The following CEP85L variants were observed in gnomAD, a reference collection of about 807,000 sequenced individuals.
The protein encoded by CEP85L is centrosomal protein 85L.
In CEP85L, 60 loss-of-function variants were observed where a neutral mutation model predicts 100.3. That is an observed-to-expected ratio of 0.60 (90% confidence interval 0.49 to 0.74). The LOEUF (loss-of-function observed/expected upper bound fraction) is 0.74, where lower values mean the gene tolerates loss of function less well. CEP85L is among the 30% of genes least tolerant of loss of function. The pLI is 0.00. For synonymous variants in CEP85L, 319 were observed against 322.7 expected, an observed-to-expected ratio of 0.99 and a Z score of 0.12; for missense variants, 973 against 936.2, an observed-to-expected ratio of 1.04 and a Z score of -0.51.
upstream of CEP85L, chr6:118,651,654 C>G: frequency 1.1e-6 from 1 of 895,298 alleles, no homozygotes; most frequent in Non-Finnish European, 1.3e-6. Flanking sequence ...GGGCCTCGGG[C>G]AATGACTTCA....
intron 1 of CEP85L, among the ~76,000 whole-genome samples, chr6:118,691,938 T>A (rs1777059776): frequency 6.6e-6 from 1 of 152,150 alleles, no homozygotes; most frequent in Non-Finnish European, 1.5e-5. Context: ...ACTTGCTATG[T>A]CTACTTGGAG....
chr6:118,669,953 A>C (rs1027377331), intron 1 of CEP85L, among the ~76,000 whole-genome samples: 11 of 149,508 alleles, frequency 7.4e-5, no homozygotes, highest in Non-Finnish European at 1.3e-4. Context: ...ATACTAGATG[A>C]CCTCCAACTT....
intron 1 of CEP85L, among the ~76,000 whole-genome samples, chr6:118,661,042 C>T (rs1325081564): frequency 1.3e-5 from 2 of 152,068 alleles, no homozygotes; most frequent in African/African-American, 2.4e-5. Context: ...CCCGCCACCA[C>T]GCCCAGGTAA....
At chr6:118,636,536 T>C (rs143294664) in intron 1 of CEP85L, among the ~76,000 whole-genome samples, 4 of 152,356 alleles carry the variant, frequency 2.6e-5, no homozygotes, top group Non-Finnish European at 5.9e-5. Context: ...TGCCCAGATA[T>C]GCAGTCAAAC....
chr6:118,465,373 C>CAACA lies in CEP85L; in HGVS notation c.*31_*32insTGTT. On this transcript the variant is annotated 3_prime_UTR_variant, in exon 13 of 13. Coordinates refer to ENST00000368491, the MANE Select transcript of CEP85L (RefSeq NM_001042475.3). ...CCATAACACAGCAGCATTTAAACAA[C>CAACA]AGGTCATTATTGCTGTGGGACTAAC... 1 of 1,597,740 alleles carries CAACA rather than the reference C, an allele frequency of 6.3e-7. No homozygotes were observed. The highest frequency in any genetic ancestry group is 8.6e-7 in the Non-Finnish European group (1 of 1,169,574).
intron 5 of CEP85L, chr6:118,501,985 A>C: frequency 1.2e-6 from 1 of 834,436 alleles, no homozygotes. Context: ...AGGAAAACTG[A>C]CCAGGTGGCT....
At chr6:118,550,646 G>C (rs1157007566) in intron 3 of CEP85L, among the ~76,000 whole-genome samples, 1 of 151,850 alleles carries the variant, frequency 6.6e-6, no homozygotes, top group Non-Finnish European at 1.5e-5. Context: ...AACCTTGGCA[G>C]AAGTTTAGGT....
chr6:118,577,986 A>G (rs1157947188), intron 2 of CEP85L, among the ~76,000 whole-genome samples: 1 of 152,204 alleles, frequency 6.6e-6, no homozygotes, highest in East Asian at 1.9e-4. Context: ...TACTCACATA[A>G]GTTCGTACTC....
chr6:118,483,815 C>A lies in CEP85L; in HGVS notation c.1481G>T (p.Cys494Phe). ...DRYISSLKKK[C>F]QKESEQNKEK... Reference sequence around the variant, plus strand: ...TTTGTTTTGTTCAGATTCCTTCTGGCATTTCTTTTTCAGACTACTGATGTA... The same window carrying A: ...TTTGTTTTGTTCAGATTCCTTCTGGAATTTCTTTTTCAGACTACTGATGTA... Residue 494 changes from cysteine (C) to phenylalanine (F), a missense_variant, in exon 7 of 13, where the codon TGC (cysteine) becomes TTC (phenylalanine). Coordinates refer to ENST00000368491, the MANE Select transcript of CEP85L (RefSeq NM_001042475.3). 1 of 1,613,764 alleles carries A rather than the reference C, an allele frequency of 6.2e-7. No individual in the cohort carries two copies. Among genetic ancestry groups the A allele is most frequent in the South Asian group, 1.1e-5 (1 of 91,072 alleles).
chr6:118,595,568 A>G (rs894794212), intron 2 of CEP85L, among the ~76,000 whole-genome samples: 27 of 152,216 alleles, frequency 1.8e-4, no homozygotes, highest in Non-Finnish European at 3.4e-4. Flanking sequence ...AAGTGAATAA[A>G]TGAATGAACC....
At chr6:118,629,697 C>G (rs148804056) in intron 2 of CEP85L, among the ~76,000 whole-genome samples, 235 of 152,250 alleles carry the variant, frequency 1.5e-3, no homozygotes, top group African/African-American at 5.3e-3. Flanking sequence ...CAATTGAGCT[C>G]CTAAGTATTT....
At chr6:118,587,195 C>G (rs538092761) in intron 2 of CEP85L, among the ~76,000 whole-genome samples, 2 of 152,154 alleles carry the variant, frequency 1.3e-5, no homozygotes, top group Non-Finnish European at 2.9e-5. Context: ...TTGGCTTTAC[C>G]TTTAACCCTT....
Position 118,491,763 on chromosome 6 carries a change from C to G in CEP85L, c.1360G>C (p.Glu454Gln). Reference sequence around the variant, plus strand: ...AGAAACTCATTAAGCTGTAAAACTTCTTTCTCAGTAGATGCAAGCTTTTGC... The same window carrying G: ...AGAAACTCATTAAGCTGTAAAACTTGTTTCTCAGTAGATGCAAGCTTTTGC... ...FEQKLASTEK[E>Q]VLQLNEFLKQ... is the part of the protein sequence containing the mutation. The change falls in exon 6 of 13, where the codon GAA (glutamate) becomes CAA (glutamine). Residue 454 changes from glutamate (E) to glutamine (Q), a missense_variant. By Grantham distance (29) the Glu-to-Gln change is conservative. Around this residue, in one of 3 missense-constraint regions of CEP85L, gnomAD observed 890 missense variants for 844.5 expected, o/e 1.05. Transcript: ENST00000368491. 1 of 1,613,156 alleles carries G rather than the reference C, an allele frequency of 6.2e-7. No individual in the cohort carries two copies. The highest frequency in any genetic ancestry group is 8.5e-7 in the Non-Finnish European group (1 of 1,179,506).
chr6:118,515,881 G>A (rs773677441), intron 4 of CEP85L, among the ~76,000 whole-genome samples: 4 of 152,020 alleles, frequency 2.6e-5, no homozygotes, highest in African/African-American at 4.8e-5. Context: ...GTATTTCTCC[G>A]AATGCTATCC....
chr6:118,524,198 C>T (rs1194486322), intron 3 of CEP85L, among the ~76,000 whole-genome samples: 2 of 152,092 alleles, frequency 1.3e-5, no homozygotes, highest in African/African-American at 2.4e-5. Context: ...CGGTGGCTCA[C>T]GCCTGTAATC....
intron 3 of CEP85L, among the ~76,000 whole-genome samples, chr6:118,531,651 T>TA (rs1777299724): frequency 6.6e-6 from 1 of 151,846 alleles, no homozygotes; most frequent in Non-Finnish European, 1.5e-5. Flanking sequence ...ATAAGGAACT[T>TA]AAACAAATTT....
intron 12 of CEP85L, 89 bp downstream of exon 12, chr6:118,468,983 T>C: frequency 1.2e-6 from 1 of 826,806 alleles, no homozygotes; most frequent in South Asian, 1.6e-5. Flanking sequence ...ATTACAAAAA[T>C]AAACAGAGAA....
intron 2 of CEP85L, among the ~76,000 whole-genome samples, chr6:118,612,259 TAA>T (rs370129041): frequency 1.4e-5 from 2 of 140,498 alleles, no homozygotes; most frequent in Non-Finnish European, 3.1e-5. Context: ...ATAAGGCAAA[TAA>T]AAAAAAAAAC....
intron 2 of CEP85L, among the ~76,000 whole-genome samples, chr6:118,608,220 G>C (rs184915547): frequency 6.6e-6 from 1 of 152,048 alleles, no homozygotes; most frequent in Admixed American, 6.5e-5. Flanking sequence ...TTTCTGCTGG[G>C]CACGGTGGCT....
Sources: gnomAD v4.1 joint callset for allele counts (sites outside exome capture counted in the v4.1 genomes callset) on GRCh38, gnomAD v4.1.1 for gene constraint, gnomAD v4.1.1 regional missense constraint, MANE v1.5 for transcripts, NCBI Gene and HGNC (gene_info 2026-07-23, HGNC 2026-07-21) for gene names.